The following PDS5B variants were observed in gnomAD, a reference collection of about 807,000 sequenced individuals.
PDS5B encodes the protein sister chromatid cohesion protein PDS5 homolog B.
Under a neutral mutation model 184.1 loss-of-function variants are expected in PDS5B, and 51 were observed. That is an observed-to-expected ratio of 0.28 (90% confidence interval 0.22 to 0.35). PDS5B has a LOEUF of 0.35. Among genes scored for constraint, PDS5B ranks in the 10% least tolerant of loss-of-function variants. The pLI is 1.00. For synonymous variants in PDS5B, 566 were observed against 569.2 expected (o/e 0.99, Z 0.08); for missense variants, 1,180 against 1,723.3 (o/e 0.68, Z 5.58).
chr13:32,774,586 A>G, intron 34 of PDS5B, among the ~76,000 whole-genome samples: 2 of 152,318 alleles, frequency 1.3e-5, no homozygotes. Flanking sequence ...AGGTTATTTT[A>G]CTGTATTGAT....
chr13:32,623,794 T>G (rs1160254155), intron 1 of PDS5B, among the ~76,000 whole-genome samples: 1 of 152,000 alleles, frequency 6.6e-6, no homozygotes, highest in Non-Finnish European at 1.5e-5. Flanking sequence ...GAAATTACAG[T>G]TTATAATCTA....
intron 6 of PDS5B, among the ~76,000 whole-genome samples, chr13:32,663,816 C>G (rs780394197): frequency 1.3e-5 from 2 of 152,128 alleles, no homozygotes; most frequent in Non-Finnish European, 2.9e-5. Context: ...GCCCCTGTCA[C>G]CTGAGAAGTG....
chr13:32,714,732 C>T (rs1436264699), intron 19 of PDS5B, among the ~76,000 whole-genome samples: 1 of 152,158 alleles, frequency 6.6e-6, no homozygotes, highest in Non-Finnish European at 1.5e-5. Context: ...TCTCTTATTC[C>T]CTGAACGATT....
chr13:32,735,762 T>TTG (rs1363077195), intron 21 of PDS5B, among the ~76,000 whole-genome samples: 1 of 152,162 alleles, frequency 6.6e-6, no homozygotes, highest in Non-Finnish European at 1.5e-5. Context: ...AATAATGATT[T>TTG]TGTTAGTCTC....
intron 1 of PDS5B, among the ~76,000 whole-genome samples, chr13:32,621,076 A>G (rs959778298): frequency 6.6e-6 from 1 of 152,230 alleles, no homozygotes; most frequent in Non-Finnish European, 1.5e-5. Flanking sequence ...GCTGTGGTAG[A>G]GTTGTCTTTT....
At chr13:32,628,292 C>G (rs964515420) in intron 1 of PDS5B, among the ~76,000 whole-genome samples, 1 of 151,972 alleles carries the variant, frequency 6.6e-6, no homozygotes, top group Non-Finnish European at 1.5e-5. Flanking sequence ...TGTGGTGACT[C>G]ACGCCTGTAA....
At chr13:32,760,486 C>G (rs1593629192) in intron 29 of PDS5B, 89 bp from the exon 30 acceptor site, 1 of 1,235,594 alleles carries the variant, frequency 8.1e-7, no homozygotes, top group East Asian at 2.4e-5. Context: ...TAAGTAAATA[C>G]TTTGAGAGAG....
chr13:32,595,955 A>T (rs1407783399), intron 1 of PDS5B, among the ~76,000 whole-genome samples: 1 of 152,242 alleles, frequency 6.6e-6, no homozygotes, highest in African/African-American at 2.4e-5. Context: ...ATGAATATTT[A>T]TTGAATATGT....
chr13:32,769,441 G>C (rs920824140), intron 31 of PDS5B, among the ~76,000 whole-genome samples: 1 of 152,316 alleles, frequency 6.6e-6, no homozygotes, highest in Non-Finnish European at 1.5e-5. Flanking sequence ...GGTCTTTGGA[G>C]AATTTCTTCA....
At chr13:32,589,681 C>T (rs1184422407) in intron 1 of PDS5B, among the ~76,000 whole-genome samples, 1 of 152,188 alleles carries the variant, frequency 6.6e-6, no homozygotes, top group Admixed American at 6.5e-5. Flanking sequence ...TCTGTCACTT[C>T]TAGTTACAAT....
At position 32,770,712 on chromosome 13, in the gene PDS5B, C is replaced by T. The variant is rs921699617; in HGVS notation, c.4123C>T (p.Arg1375Ter). Residue 1375 changes from arginine (R) to a stop codon, truncating the protein, a stop_gained, in exon 33 of 35, where the codon CGA (arginine) becomes TGA (stop). Coordinates refer to ENST00000315596, the MANE Select transcript of PDS5B (RefSeq NM_015032.4). LOFTEE classifies it high-confidence loss of function. The part of the protein sequence containing the change: ...ESTQSTPQKG[R>*]GRPSKTPSPS... The stretch of plus-strand genomic sequence containing the variant: ...CACACAGTCCACACCACAGAAAGGA[C>T]GAGGAAGACCATCAAAAACGCCATC... 1.9e-6 allele frequency: 3 copies of T among 1,610,226 alleles called. No homozygotes were observed. The highest frequency in any genetic ancestry group is 2.5e-6 in the Non-Finnish European group (3 of 1,178,296).
At chr13:32,610,118 C>T (rs1487885270) in intron 1 of PDS5B, among the ~76,000 whole-genome samples, 2 of 152,046 alleles carry the variant, frequency 1.3e-5, no homozygotes, top group Non-Finnish European at 2.9e-5. Context: ...GGCATAGATG[C>T]ATATAAGCTG....
rs1159986817 is a variant in PDS5B at position 32,775,472 on chromosome 13, A to G, written c.*420A>G. The G allele has an allele frequency of 2.0e-5, 7 of 349,338 alleles. No individual in the cohort carries two copies. The highest frequency in any genetic ancestry group is 3.9e-5 in the Non-Finnish European group (7 of 179,018). The allele number at this position is 349,338 out of a possible 1,614,324, so 21.6% of individuals were successfully genotyped here. A position where few individuals can be genotyped will look rare whatever the true frequency, so the allele number is the denominator to read the frequency against. The stretch of plus-strand genomic sequence containing the variant: ...GTAATCTGTCAGTGTTTGTATTTGT[A>G]TTCTCTGCAATTTTACTGTGAAAAA... On this transcript the variant is annotated 3_prime_UTR_variant, in exon 35 of 35. Coordinates refer to ENST00000315596, the MANE Select transcript of PDS5B (RefSeq NM_015032.4).
intron 1 of PDS5B, among the ~76,000 whole-genome samples, chr13:32,617,367 C>T (rs2058234948): frequency 6.6e-6 from 1 of 152,174 alleles, no homozygotes; most frequent in African/African-American, 2.4e-5. Context: ...CAGCCACATA[C>T]ATATCTACAA....
intron 19 of PDS5B, among the ~76,000 whole-genome samples, chr13:32,719,566 A>G (rs1048106951): frequency 1.3e-5 from 2 of 151,986 alleles, no homozygotes; most frequent in Admixed American, 6.6e-5. Context: ...CATGTATGGT[A>G]TGGTTCTAGG....
At chr13:32,741,835 C>A (rs1241483666) in intron 22 of PDS5B, among the ~76,000 whole-genome samples, 1 of 151,838 alleles carries the variant, frequency 6.6e-6, no homozygotes, top group Non-Finnish European at 1.5e-5. Context: ...AATAGCCCCA[C>A]CTTTACATCA....
At chr13:32,655,370 ATATATTTT>A (rs1301108737) in intron 3 of PDS5B, among the ~76,000 whole-genome samples, 78 of 26,918 alleles carry the variant, frequency 2.9e-3, no homozygotes, top group African/African-American at 0.013. Context: ...ATATATATAT[ATATATTTT>A]TTTTTTTTTT....
intron 6 of PDS5B, among the ~76,000 whole-genome samples, chr13:32,663,791 G>T (rs1950714080): frequency 6.6e-6 from 1 of 152,192 alleles, no homozygotes; most frequent in Admixed American, 6.5e-5. Flanking sequence ...TAGTGGTGAA[G>T]TCTGAGCTTT....
chr13:32,760,485 AC>A, intron 29 of PDS5B, 89 bp from the exon 30 acceptor site: 1 of 1,204,808 alleles, frequency 8.3e-7, no homozygotes, highest in Non-Finnish European at 1.2e-6. Context: ...GTAAGTAAAT[AC>A]TTTGAGAGAG....
Sources: gnomAD v4.1 joint callset for allele counts (sites outside exome capture counted in the v4.1 genomes callset) on GRCh38, gnomAD v4.1.1 for gene constraint, MANE v1.5 for transcripts, NCBI Gene and HGNC (gene_info 2026-07-23, HGNC 2026-07-21) for gene names.